The following SLC2A9 variants were observed in gnomAD, a reference collection of about 807,000 sequenced individuals.
The protein encoded by SLC2A9 is solute carrier family 2 member 9.
SLC2A9 carries 39 observed loss-of-function variants against 50.6 expected under a neutral mutation model. The ratio of observed to expected loss-of-function variants is 0.77; its 90% CI spans 0.60 to 1.01. The LOEUF is 1.01. SLC2A9 is among the 50% of genes least tolerant of loss of function. The pLI is 0.00. For missense variants in SLC2A9, 686 were observed against 677.6 expected, an observed-to-expected ratio of 1.01 and a Z score of -0.14; for synonymous variants, 324 against 276.9, an observed-to-expected ratio of 1.17 and a Z score of -1.69.
chr4:9,898,392 G>A (rs149149664), intron 8 of SLC2A9, among the ~76,000 whole-genome samples: 34 of 152,274 alleles, frequency 2.2e-4, no homozygotes, highest in East Asian at 9.6e-4. Flanking sequence ...CAATTAAAGC[G>A]TCCAAATTTG....
chr4:10,028,668 C>A (rs1474050616), intron 1 of SLC2A9, among the ~76,000 whole-genome samples: 2 of 152,166 alleles, frequency 1.3e-5, no homozygotes, highest in Non-Finnish European at 2.9e-5. Flanking sequence ...CGGTTACTTA[C>A]CATTCTGCAA....
chr4:9,852,285 G>A (rs367796654), intron 10 of SLC2A9, among the ~76,000 whole-genome samples: 90 of 148,336 alleles, frequency 6.1e-4, no homozygotes, highest in South Asian at 1.3e-3. Flanking sequence ...TCGCTCTGTC[G>A]CCCAGGCCGG....
chr4:9,802,967 T>C (rs911030092), intron 3 of SLC2A9, among the ~76,000 whole-genome samples: 3 of 152,346 alleles, frequency 2.0e-5, no homozygotes, highest in Non-Finnish European at 2.9e-5. Context: ...CAGAATACTT[T>C]GTAGATGCTG....
chr4:9,879,289 T>C (rs1387444701), intron 10 of SLC2A9: 2 of 985,170 alleles, frequency 2.0e-6, no homozygotes, highest in Middle Eastern at 5.2e-4. Flanking sequence ...ACACCTCAAA[T>C]GGATGAATAA....
intron 7 of SLC2A9, among the ~76,000 whole-genome samples, chr4:9,918,697 G>A (rs1042622804): frequency 6.6e-6 from 1 of 152,344 alleles, no homozygotes; most frequent in Admixed American, 6.5e-5. Context: ...AGTAGGTGGA[G>A]GCCAAGTGAC....
upstream of SLC2A9, among the ~76,000 whole-genome samples, chr4:10,023,273 G>A (rs1003375386): frequency 6.6e-6 from 1 of 152,220 alleles, no homozygotes; most frequent in African/African-American, 2.4e-5. Flanking sequence ...GTTGGGGCCT[G>A]AAGTACAGGA....
intron 4 of SLC2A9, 70 bp from the exon 5 acceptor site, chr4:9,980,807 C>T: frequency 6.2e-7 from 1 of 1,600,858 alleles, no homozygotes; most frequent in Non-Finnish European, 8.6e-7. Flanking sequence ...GGTTACAATG[C>T]CTCTCTTGGC....
chr4:9,798,598 T>G (rs1459770160), downstream of SLC2A9: 2 of 151,990 alleles, frequency 1.3e-5, no homozygotes, highest in African/African-American at 4.8e-5. Context: ...GGGCCTTCAG[T>G]TGGAAAGTGC....
At position 9,943,728 on chromosome 4, in the gene SLC2A9, T is replaced by C. The variant is rs148311631; in HGVS notation, c.682-1683A>G. Among the ~76,000 whole-genome samples the C allele has an allele frequency of 3.9e-5, 6 of 152,316 alleles. No homozygotes were observed. In the East Asian group the frequency reaches 1.2e-3, roughly 29 times the overall value. ...ACATACATAGAAGTGGAATTTTCGCTAGGCCTGTGTGTGGTGGTGTTGATT... is the reference window on the plus strand; with the variant it reads ...ACATACATAGAAGTGGAATTTTCGCCAGGCCTGTGTGTGGTGGTGTTGATT... On this transcript the variant is annotated intron_variant, in intron 5 of 11. Coordinates refer to ENST00000264784, the MANE Select transcript of SLC2A9 (RefSeq NM_020041.3).
chr4:9,973,589 T>C (rs1489652640), intron 5 of SLC2A9, among the ~76,000 whole-genome samples: 1 of 151,736 alleles, frequency 6.6e-6, no homozygotes, highest in African/African-American at 2.4e-5. Flanking sequence ...GAAGCCATCA[T>C]TCTCAGCAAA....
chr4:9,979,579 G>A (rs893669966), intron 5 of SLC2A9, among the ~76,000 whole-genome samples: 1 of 151,956 alleles, frequency 6.6e-6, no homozygotes, highest in African/African-American at 2.4e-5. Flanking sequence ...CACCTCAGTC[G>A]CAGCTGCATC....
At chr4:10,009,504 A>G (rs1226617013) in intron 2 of SLC2A9, 1 of 152,244 alleles carries the variant, frequency 6.6e-6, no homozygotes, top group Non-Finnish European at 1.5e-5. Context: ...AGAAAATAAT[A>G]GAATATACCA....
chr4:9,790,542 G>A (rs1286886652), intron 3 of SLC2A9, among the ~76,000 whole-genome samples: 2 of 152,160 alleles, frequency 1.3e-5, no homozygotes, highest in East Asian at 3.8e-4. Flanking sequence ...CTACAAAGTT[G>A]TATTCCAACC....
intron 7 of SLC2A9, among the ~76,000 whole-genome samples, chr4:9,913,210 A>C (rs760719059): frequency 6.6e-6 from 1 of 152,162 alleles, no homozygotes; most frequent in Non-Finnish European, 1.5e-5. Context: ...AATAATAGCT[A>C]AGCTATTGCA....
chr4:9,838,643 G>T (rs1195909688), intron 10 of SLC2A9, among the ~76,000 whole-genome samples: 2 of 152,124 alleles, frequency 1.3e-5, no homozygotes, highest in Non-Finnish European at 2.9e-5. Context: ...CATGGTACTG[G>T]TACAAGAACA....
chr4:9,891,954 C>A (rs1737533823), intron 8 of SLC2A9, among the ~76,000 whole-genome samples: 1 of 152,216 alleles, frequency 6.6e-6, no homozygotes, highest in African/African-American at 2.4e-5. Flanking sequence ...GCGAAGGTCA[C>A]AGCACTGAGA....
intron 3 of SLC2A9, among the ~76,000 whole-genome samples, chr4:9,801,673 A>AGAGG (rs1185721770): frequency 6.6e-6 from 1 of 152,214 alleles, no homozygotes; most frequent in Non-Finnish European, 1.5e-5. Context: ...GTTGAGCCTC[A>AGAGG]GAGGGCATTG....
intron 10 of SLC2A9, among the ~76,000 whole-genome samples, chr4:9,881,163 TA>T (rs1735138378): frequency 6.6e-6 from 1 of 152,228 alleles, no homozygotes; most frequent in African/African-American, 2.4e-5. Context: ...GATGGTAATA[TA>T]TTCAGCCAGG....
intron 3 of SLC2A9, among the ~76,000 whole-genome samples, chr4:9,814,572 TCTC>T (rs1489828864): frequency 1.3e-5 from 2 of 152,206 alleles, no homozygotes; most frequent in Admixed American, 6.5e-5. Flanking sequence ...ATTGTGTTCT[TCTC>T]TTCTTCTGTT....
Sources: allele counts gnomAD v4.1 joint callset (sites outside exome capture counted in the v4.1 genomes callset), GRCh38; gene constraint gnomAD v4.1.1; transcripts MANE v1.5; gene names NCBI Gene and HGNC (gene_info 2026-07-23, HGNC 2026-07-21).